The following CTNND2 variants were observed in gnomAD, a reference collection of about 807,000 sequenced individuals.
CTNND2 encodes catenin delta-2.
In CTNND2, 22 loss-of-function variants were observed where a neutral mutation model predicts 144.4. That is an observed-to-expected ratio of 0.15 (90% CI 0.11 to 0.22). CTNND2 has a LOEUF of 0.22. Among genes scored for constraint, CTNND2 ranks in the 10% least tolerant of loss-of-function variants. CTNND2 has a pLI of 1.00. For synonymous variants in CTNND2, 751 were observed against 695.6 expected, an observed-to-expected ratio of 1.08 and a Z score of -1.25; for missense variants, 1,353 against 1,618.8, an observed-to-expected ratio of 0.84 and a Z score of 2.82.
chr5:11,826,815 A>C (rs1793627051), intron 1 of CTNND2, among the ~76,000 whole-genome samples: 1 of 152,066 alleles, frequency 6.6e-6, no homozygotes, highest in Admixed American at 6.5e-5. Context: ...ACATTATTCA[A>C]AATATGTAAT....
At chr5:11,815,719 G>A (rs1241034186) in intron 1 of CTNND2, among the ~76,000 whole-genome samples, 1 of 152,144 alleles carries the variant, frequency 6.6e-6, no homozygotes, top group Non-Finnish European at 1.5e-5. Context: ...TAGGGTTCTT[G>A]TTGTGTAAGC....
chr5:11,741,741 TTATA>T (rs945107103), intron 1 of CTNND2, among the ~76,000 whole-genome samples: 1 of 148,346 alleles, frequency 6.7e-6, no homozygotes, highest in African/African-American at 2.5e-5. Flanking sequence ...GTCTTATATA[TTATA>T]TATTCATGTA....
chr5:11,106,346 T>C (rs1216042110), intron 14 of CTNND2, among the ~76,000 whole-genome samples: 1 of 152,242 alleles, frequency 6.6e-6, no homozygotes, highest in African/African-American at 2.4e-5. Context: ...ATGGTATTCC[T>C]CTACCATGGA....
At chr5:11,630,949 C>T (rs1294637272) in intron 2 of CTNND2, among the ~76,000 whole-genome samples, 1 of 147,092 alleles carries the variant, frequency 6.8e-6, no homozygotes, top group Non-Finnish European at 1.5e-5. Context: ...AGCGAAACTC[C>T]ATCTCAAAAA....
chr5:11,006,897 A>T (rs1345478432), intron 18 of CTNND2, among the ~76,000 whole-genome samples: 1 of 152,200 alleles, frequency 6.6e-6, no homozygotes, highest in Non-Finnish European at 1.5e-5. Context: ...AAGAAACAGG[A>T]GGAGGAAAAT....
chr5:11,297,640 T>C (rs1399533238), intron 9 of CTNND2, among the ~76,000 whole-genome samples: 2 of 152,140 alleles, frequency 1.3e-5, no homozygotes, highest in Non-Finnish European at 2.9e-5. Flanking sequence ...ACAGTAAATA[T>C]TAAGAGATGT....
intron 20 of CTNND2, among the ~76,000 whole-genome samples, chr5:10,984,226 C>A (rs1010589781): frequency 1.3e-5 from 2 of 152,162 alleles, no homozygotes; most frequent in African/African-American, 4.8e-5. Context: ...CTGCTGCTAC[C>A]TCCGTATGTA....
chr5:11,515,111 C>CAG (rs1772037224), intron 3 of CTNND2, among the ~76,000 whole-genome samples: 1 of 135,554 alleles, frequency 7.4e-6, no homozygotes, highest in African/African-American at 2.7e-5. Flanking sequence ...TAATGCACAC[C>CAG]AAAAAAAAAA....
At chr5:11,114,757 C>G (rs1361716215) in intron 13 of CTNND2, among the ~76,000 whole-genome samples, 1 of 152,138 alleles carries the variant, frequency 6.6e-6, no homozygotes, top group East Asian at 1.9e-4. Context: ...GTATGGAATC[C>G]ACGCTCTTTT....
At chr5:11,621,446 A>G (rs1395932389) in intron 2 of CTNND2, among the ~76,000 whole-genome samples, 3 of 152,104 alleles carry the variant, frequency 2.0e-5, no homozygotes, top group Non-Finnish European at 2.9e-5. Context: ...TTTTTCATTT[A>G]TATTATATTA....
chr5:11,557,767 A>G (rs1363951784), intron 3 of CTNND2, among the ~76,000 whole-genome samples: 1 of 152,194 alleles, frequency 6.6e-6, no homozygotes, highest in African/African-American at 2.4e-5. Context: ...CCAACTGATG[A>G]CGGGAATCTT....
At chr5:11,454,600 C>CTT (rs574100913) in intron 3 of CTNND2, among the ~76,000 whole-genome samples, 1 of 145,192 alleles carries the variant, frequency 6.9e-6, no homozygotes, top group Non-Finnish European at 1.5e-5. Context: ...GTTTTTTTTC[C>CTT]TTTTTTTTTT....
rs775750076 is a variant in CTNND2, at chr5:11,098,685, G to T, written c.2527C>A (p.His843Asn). The T allele has an allele frequency of 6.2e-7, 1 of 1,614,170 alleles. No individual in the cohort carries two copies. Among genetic ancestry groups the T allele is most frequent in the Non-Finnish European group, 8.5e-7 (1 of 1,179,996 alleles). ...AGGTAGGGTTTGACTATTGATGGGT[G>T]CCACAGCATCTGGATCCCTTTTGGT... Reference protein sequence around the residue: ...EPPKGIQMLWHPSIVKPYLTL... With the variant: ...EPPKGIQMLWNPSIVKPYLTL... The change falls in exon 15 of 22, where the codon CAC (histidine) becomes AAC (asparagine). Residue 843 changes from histidine (H) to asparagine (N), a missense_variant. By Grantham distance (68) the His-to-Asn change is moderately conservative. This residue lies in a region of CTNND2 where 459 missense variants were observed against 674.3 expected (regional missense o/e 0.68). Coordinates refer to ENST00000304623, the MANE Select transcript of CTNND2 (RefSeq NM_001332.4).
intron 1 of CTNND2, among the ~76,000 whole-genome samples, chr5:11,893,492 G>A (rs991404552): frequency 2.0e-5 from 3 of 152,040 alleles, no homozygotes; most frequent in Non-Finnish European, 2.9e-5. Context: ...CAGTGGACTC[G>A]CCCATTATAA....
chr5:11,781,767 TCAAGTGCATCA>T (rs1487476179), intron 1 of CTNND2, among the ~76,000 whole-genome samples: 1 of 152,198 alleles, frequency 6.6e-6, no homozygotes, highest in Non-Finnish European at 1.5e-5. Context: ...TGAATTATAC[TCAAGTGCATCA>T]CAATTACCCA....
At chr5:11,252,455 T>A (rs1235429955) in intron 9 of CTNND2, among the ~76,000 whole-genome samples, 1 of 152,130 alleles carries the variant, frequency 6.6e-6, no homozygotes, top group Non-Finnish European at 1.5e-5. Flanking sequence ...TACATAACAA[T>A]ATTCTACAAT....
chr5:11,206,262 G>C (rs974125345), intron 10 of CTNND2, among the ~76,000 whole-genome samples: 2 of 152,172 alleles, frequency 1.3e-5, no homozygotes, highest in African/African-American at 4.8e-5. Context: ...AGTTTTCTGA[G>C]AATGAAGCAG....
At chr5:11,669,083 T>C (rs1581696087) in intron 2 of CTNND2, among the ~76,000 whole-genome samples, 1 of 152,334 alleles carries the variant, frequency 6.6e-6, no homozygotes. Context: ...TTTACATATA[T>C]TGAAGCAGCC....
At chr5:11,898,655 A>G (rs1737601147) in intron 1 of CTNND2, among the ~76,000 whole-genome samples, 1 of 152,170 alleles carries the variant, frequency 6.6e-6, no homozygotes, top group Non-Finnish European at 1.5e-5. Flanking sequence ...ACATATATTT[A>G]TTTAACCAAA....
Sources: allele counts gnomAD v4.1 joint callset (sites outside exome capture counted in the v4.1 genomes callset), GRCh38; gene constraint gnomAD v4.1.1; regional missense constraint gnomAD v4.1.1; transcripts MANE v1.5; gene names NCBI Gene and HGNC (gene_info 2026-07-23, HGNC 2026-07-21).